The following CLIC2 variants were observed in gnomAD, a reference collection of about 807,000 sequenced individuals.
CLIC2 encodes the protein CLIC family member 2, also known as chloride intracellular channel protein 2.
A neutral mutation model predicts 14.8 loss-of-function variants in CLIC2; 9 were observed. That is an observed-to-expected ratio of 0.61 (90% CI 0.37 to 1.06). The LOEUF (loss-of-function observed/expected upper bound fraction) is 1.06, where lower values mean the gene tolerates loss of function less well. CLIC2 is among the 50% of genes least tolerant of loss of function. The probability of loss-of-function intolerance (pLI) is 0.01; values close to 1 mark genes in which losing one functional copy is unlikely to be tolerated. For missense variants in CLIC2, 148 were observed against 181.4 expected (o/e 0.82, Z 1.06); for synonymous variants, 61 against 66.3 (o/e 0.92, Z 0.39).
intron 1 of CLIC2, among the ~76,000 whole-genome samples, chrX:155,313,197 C>CAAAAAAAAAAAAAAAAA (rs59429236): frequency 6.1e-5 from 2 of 32,700 alleles, no homozygotes; most frequent in African/African-American, 1.8e-4. Flanking sequence ...ATAAATAAGG[C>CAAAAAAAAAAAAAAAAA]AAAAAAAAAA....
intron 1 of CLIC2, among the ~76,000 whole-genome samples, chrX:155,320,050 C>A (rs2075108686): frequency 8.9e-6 from 1 of 112,478 alleles, no homozygotes; most frequent in African/African-American, 3.2e-5. Flanking sequence ...AGAAAGGCAG[C>A]AGCCCCAGTC....
intron 3 of CLIC2, among the ~76,000 whole-genome samples, chrX:155,283,530 T>C (rs781958377): frequency 9.0e-6 from 1 of 111,728 alleles, no homozygotes; most frequent in South Asian, 3.8e-4. Flanking sequence ...GCTGCGCCCA[T>C]TAGGTATATC....
chrX:155,283,512 G>A (rs2074927450), intron 3 of CLIC2, among the ~76,000 whole-genome samples: 1 of 111,468 alleles, frequency 9.0e-6, no homozygotes, highest in Non-Finnish European at 1.9e-5. Flanking sequence ...CATGTGCCAT[G>A]TTGGTGTGCT....
chrX:155,283,700 G>GTT (rs1217653126), intron 3 of CLIC2, among the ~76,000 whole-genome samples: 1 of 104,184 alleles, frequency 9.6e-6, no homozygotes. Context: ...ACATGCCTCA[G>GTT]TTTTTTTTTT....
intron 1 of CLIC2, among the ~76,000 whole-genome samples, chrX:155,303,195 T>C (rs1448862963): frequency 1.3e-5 from 1 of 78,628 alleles, no homozygotes; most frequent in Non-Finnish European, 2.5e-5. Flanking sequence ...AAGTCTCCCA[T>C]TATTAATGTG....
chrX:155,293,574 A>G (rs1485147302), intron 3 of CLIC2: 4 of 434,461 alleles, frequency 9.2e-6, no homozygotes, highest in African/African-American at 7.4e-5. Flanking sequence ...AAGTCTTCAC[A>G]TGTAAACATA....
At chrX:155,313,412 C>G (rs1378994936) in intron 1 of CLIC2, among the ~76,000 whole-genome samples, 1 of 111,803 alleles carries the variant, frequency 8.9e-6, no homozygotes, top group Non-Finnish European at 1.9e-5. Flanking sequence ...AAGATGCATG[C>G]ACACATGCTC....
Position 155,280,009 on chromosome X carries a change from G to A in CLIC2, c.353C>T (p.Ala118Val). The A allele has an allele frequency of 8.3e-7, 1 of 1,209,803 alleles. No individual in the cohort carries two copies. Among genetic ancestry groups the A allele is most frequent in the Non-Finnish European group, 1.1e-6 (1 of 893,759 alleles). Residue 118 changes from alanine (A) to valine (V), a missense_variant, in exon 4 of 6, where the codon GCC becomes GTC. By Grantham distance (64) the Ala-to-Val change is moderately conservative. Coordinates refer to ENST00000369449, the MANE Select transcript of CLIC2 (RefSeq NM_001289.6). ...ATTCTTAATGTATGCAGAAAACTTG[G>A]CAAAGAGGTTACAGCCCACATCAAA... is the stretch of plus-strand genomic sequence containing the variant. ...ESFDVGCNLFAKFSAYIKNTQ... is the reference protein window; with the variant it reads ...ESFDVGCNLFVKFSAYIKNTQ...
At position 155,325,761 on chromosome X, in the gene CLIC2, GATATATATATATATATATATATATAT is replaced by G. The variant is rs60334475; in HGVS notation, c.57+8584_57+8609del. ...GAAAGTATAATAAAAAAGAAAATGT[GATATATATATATATATATATATATAT>G]ATATATATATATATATATATGCACA... On this transcript the variant is annotated intron_variant, in intron 1 of 5. Coordinates refer to ENST00000369449, the MANE Select transcript of CLIC2 (RefSeq NM_001289.6). Among the ~76,000 whole-genome samples, 223 of 32,867 alleles carry G rather than the reference GATATATATATATATATATATATATAT, an allele frequency of 6.8e-3. 6 individuals are homozygous for G. The highest frequency in any genetic ancestry group is 0.021 in the African/African-American group (198 of 9,270). 28.5% of individuals were successfully genotyped at this position (32,867 alleles called of 115,157 possible). A position where few individuals can be genotyped will look rare whatever the true frequency, so the allele number is the denominator to read the frequency against.
intron 1 of CLIC2, among the ~76,000 whole-genome samples, chrX:155,309,318 A>T (rs1390814123): frequency 2.7e-5 from 3 of 111,603 alleles, no homozygotes; most frequent in Non-Finnish European, 3.8e-5. Context: ...AAAATAAAAA[A>T]ATAAAAATAA....
intron 3 of CLIC2, among the ~76,000 whole-genome samples, chrX:155,297,860 CAAAAAAAAAAAAA>C (rs200891873): frequency 5.9e-4 from 3 of 5,123 alleles, no homozygotes; most frequent in African/African-American, 1.3e-3. Context: ...ACTCCGGTCT[CAAAAAAAAAAAAA>C]AAAAAAAAAA....
chrX:155,325,357 C>A (rs1420512468), intron 1 of CLIC2, among the ~76,000 whole-genome samples: 6 of 111,066 alleles, frequency 5.4e-5, no homozygotes, highest in African/African-American at 2.0e-4. Context: ...TGGAATCAAC[C>A]CAAAGGGCCA....
At chrX:155,311,668 A>G (rs367701550) in intron 1 of CLIC2, among the ~76,000 whole-genome samples, 1 of 111,424 alleles carries the variant, frequency 9.0e-6, no homozygotes, top group African/African-American at 3.3e-5. Flanking sequence ...GTACCAATTT[A>G]CTGTATTAGT....
intron 1 of CLIC2, among the ~76,000 whole-genome samples, chrX:155,299,732 C>A (rs2075008595): frequency 1.3e-5 from 1 of 75,398 alleles, no homozygotes; most frequent in Admixed American, 1.7e-4. Flanking sequence ...CCCCCTCCCC[C>A]CACCCCACAA....
intron 1 of CLIC2, among the ~76,000 whole-genome samples, chrX:155,323,102 C>T (rs2075122720): frequency 8.9e-6 from 1 of 111,968 alleles, no homozygotes; most frequent in Non-Finnish European, 1.9e-5. Context: ...ACCAGAGGTA[C>T]AAAGAGGAGC....
At chrX:155,287,875 C>G (rs2074948651) in intron 3 of CLIC2, among the ~76,000 whole-genome samples, 1 of 111,831 alleles carries the variant, frequency 8.9e-6, no homozygotes, top group African/African-American at 3.3e-5. Context: ...TCTTCCTATC[C>G]ATGAGCATGG....
chrX:155,316,808 T>C (rs958611243), intron 1 of CLIC2, among the ~76,000 whole-genome samples: 17 of 110,920 alleles, frequency 1.5e-4, no homozygotes, highest in African/African-American at 4.3e-4. Flanking sequence ...GTAGGAAGTA[T>C]CCAGCACGAG....
At chrX:155,312,011 G>T (rs1374660656) in intron 1 of CLIC2, among the ~76,000 whole-genome samples, 1 of 111,569 alleles carries the variant, frequency 9.0e-6, no homozygotes, top group Non-Finnish European at 1.9e-5. Context: ...AAATTTGGGT[G>T]GGGACACAGC....
intron 3 of CLIC2, among the ~76,000 whole-genome samples, chrX:155,295,180 G>A (rs976383223): frequency 8.1e-5 from 9 of 111,138 alleles, no homozygotes; most frequent in African/African-American, 2.6e-4. Flanking sequence ...TGATCAAGTG[G>A]GATTTATACC....
Sources: allele counts gnomAD v4.1 joint callset (sites outside exome capture counted in the v4.1 genomes callset), GRCh38; gene constraint gnomAD v4.1.1; transcripts MANE v1.5; gene names NCBI Gene and HGNC (gene_info 2026-07-23, HGNC 2026-07-21).